Variants in CORO1C observed in about 807,000 individuals in gnomAD.
The protein encoded by CORO1C is coronin-1C.
Under a neutral mutation model 51.2 loss-of-function variants are expected in CORO1C, and 14 were observed. That is an observed-to-expected ratio of 0.27 (90% CI 0.18 to 0.43). CORO1C has a LOEUF of 0.43. Among genes scored for constraint, CORO1C ranks in the 20% least tolerant of loss-of-function variants. The pLI is 1.00. For synonymous variants in CORO1C, 181 were observed against 210.5 expected (o/e 0.86, Z 1.21); for missense variants, 417 against 607.8 (o/e 0.69, Z 3.30).
chr12:108,695,484 C>T (rs188378527), intron 2 of CORO1C, among the ~76,000 whole-genome samples: 13 of 152,290 alleles, frequency 8.5e-5, no homozygotes, highest in Admixed American at 5.9e-4. Context: ...TAACCATTCC[C>T]TCCGTTAAGT....
At chr12:108,670,261 C>T (rs1479737549) in intron 3 of CORO1C, among the ~76,000 whole-genome samples, 1 of 152,200 alleles carries the variant, frequency 6.6e-6, no homozygotes, top group Non-Finnish European at 1.5e-5. Context: ...AGCAAGGGGA[C>T]ACCTGACAGA....
At chr12:108,695,369 G>C (rs1349742548) in intron 2 of CORO1C, among the ~76,000 whole-genome samples, 1 of 152,174 alleles carries the variant, frequency 6.6e-6, no homozygotes, top group Non-Finnish European at 1.5e-5. Flanking sequence ...CCACAATATA[G>C]TAAGGCAAGT....
chr12:108,725,161 T>C (rs9669138), intron 1 of CORO1C, among the ~76,000 whole-genome samples: 2,821 of 152,158 alleles, frequency 0.019, 108 homozygotes, highest in African/African-American at 0.064. Context: ...ACTGGAGGTG[T>C]TTTTAAGACC....
At chr12:108,700,970 G>T (rs913170142) in intron 2 of CORO1C, 154 bp downstream of exon 2, 1 of 807,616 alleles carries the variant, frequency 1.2e-6, no homozygotes, top group Non-Finnish European at 2.0e-6. Flanking sequence ...GAGAAAAACT[G>T]ATGTGGTTAG....
intron 1 of CORO1C, among the ~76,000 whole-genome samples, chr12:108,705,896 A>G (rs142092657): frequency 4.5e-4 from 69 of 152,268 alleles, no homozygotes; most frequent in Non-Finnish European, 9.9e-4. Flanking sequence ...ACACAGAAAA[A>G]GCATTTGAGG....
intron 6 of CORO1C, among the ~76,000 whole-genome samples, chr12:108,656,448 C>T (rs1485442648): frequency 6.6e-6 from 1 of 151,304 alleles, no homozygotes; most frequent in Non-Finnish European, 1.5e-5. Flanking sequence ...AGCCTCCACC[C>T]GGCCACCACC....
chr12:108,710,521 T>C lies in CORO1C; in HGVS notation c.-5-9198A>G, dbSNP rs577117160. Among the ~76,000 whole-genome samples the C allele has an allele frequency of 7.6e-4, 116 of 152,284 alleles. 1 individual carries two copies. The highest frequency in any genetic ancestry group is 1.5e-3 in the Non-Finnish European group (99 of 68,024). Reference sequence around the variant, plus strand: ...TGTAAAAGCTGATAACTAATATTCATAATACTTAACATCTAAGGAAACAAA... The same window carrying C: ...TGTAAAAGCTGATAACTAATATTCACAATACTTAACATCTAAGGAAACAAA... On this transcript the variant is annotated intron_variant, in intron 1 of 10. Transcript: ENST00000261401.
chr12:108,702,923 T>G, intron 1 of CORO1C: 1 of 1,535,378 alleles, frequency 6.5e-7, no homozygotes, highest in Non-Finnish European at 8.7e-7. Context: ...TGCCAGACTT[T>G]CCCAGCTGAC....
intron 1 of CORO1C, among the ~76,000 whole-genome samples, chr12:108,728,282 A>C (rs772176488): frequency 1.3e-5 from 2 of 152,240 alleles, no homozygotes; most frequent in Non-Finnish European, 2.9e-5. Context: ...ATGTTCATCA[A>C]CTGATGAATG....
At chr12:108,691,116 G>T (rs1232480793) in intron 2 of CORO1C, among the ~76,000 whole-genome samples, 1 of 152,078 alleles carries the variant, frequency 6.6e-6, no homozygotes, top group East Asian at 1.9e-4. Flanking sequence ...AGGGGCTAAT[G>T]CCTTGGGCTC....
chr12:108,648,578 G>A lies in CORO1C; in HGVS notation c.1305+27C>T, dbSNP rs139820945. ...AGAGGATAAAGCCTGAACCAGCCAA[G>A]CACCCCTGCACTCCACTGGTCCTCA... On this transcript the variant is annotated intron_variant, in intron 10 of 10. Coordinates refer to ENST00000261401, the MANE Select transcript of CORO1C (RefSeq NM_014325.4). 12 of 1,613,080 alleles carry A rather than the reference G, an allele frequency of 7.4e-6. No individual in the cohort carries two copies. The South Asian group carries it at 1.1e-4, about 15-fold the overall frequency.
chr12:108,701,032 A>G, intron 2 of CORO1C, 92 bp downstream of exon 2: 1 of 1,393,256 alleles, frequency 7.2e-7, no homozygotes, highest in Admixed American at 1.7e-5. Context: ...TGGTTTCACA[A>G]ATACAATTCT....
chr12:108,660,713 T>A (rs2033226051), intron 4 of CORO1C, among the ~76,000 whole-genome samples: 1 of 152,188 alleles, frequency 6.6e-6, no homozygotes, highest in Non-Finnish European at 1.5e-5. Flanking sequence ...TGAGCCTTGA[T>A]GAGAAAGGTA....
intron 2 of CORO1C, among the ~76,000 whole-genome samples, chr12:108,694,630 T>C (rs888275105): frequency 2.2e-4 from 34 of 152,332 alleles, no homozygotes; most frequent in African/African-American, 6.3e-4. Flanking sequence ...ATAATGACTA[T>C]GATCTTATAA....
At chr12:108,656,292 G>A (rs574775066) in intron 6 of CORO1C, among the ~76,000 whole-genome samples, 4 of 149,916 alleles carry the variant, frequency 2.7e-5, no homozygotes, top group African/African-American at 9.8e-5. Flanking sequence ...GGGAGGTGGG[G>A]GCTCAGCCCC....
intron 3 of CORO1C, among the ~76,000 whole-genome samples, chr12:108,665,643 C>T (rs550970354): frequency 6.6e-6 from 1 of 152,308 alleles, no homozygotes; most frequent in Admixed American, 6.5e-5. Context: ...TCCTGGCAAA[C>T]ATCACTGCAT....
chr12:108,657,241 G>A (rs2033066025), intron 6 of CORO1C, 63 bp downstream of exon 6: 1 of 1,554,886 alleles, frequency 6.4e-7, no homozygotes, highest in Non-Finnish European at 8.7e-7. Flanking sequence ...CTCACTGGAA[G>A]ACCTGCTCAG....
intron 2 of CORO1C, among the ~76,000 whole-genome samples, chr12:108,694,022 T>C (rs1255493290): frequency 6.6e-6 from 1 of 151,950 alleles, no homozygotes. Context: ...TAGCCGGGTG[T>C]GGTGGCTCAC....
chr12:108,668,564 T>C (rs2033587094), intron 3 of CORO1C: 1 of 152,186 alleles, frequency 6.6e-6, no homozygotes, highest in South Asian at 2.1e-4. Flanking sequence ...AAAAATGGAT[T>C]AGATAGGGTA....
Sources: gnomAD v4.1 joint callset for allele counts (sites outside exome capture counted in the v4.1 genomes callset) on GRCh38, gnomAD v4.1.1 for gene constraint, MANE v1.5 for transcripts, NCBI Gene and HGNC (gene_info 2026-07-23, HGNC 2026-07-21) for gene names.